The following TRIM7 variants were observed in gnomAD, a reference collection of about 807,000 sequenced individuals.
The protein encoded by TRIM7 is E3 ubiquitin-protein ligase TRIM7.
TRIM7 carries 32 observed loss-of-function variants against 37.9 expected under a neutral mutation model. That is an observed-to-expected ratio of 0.84 (90% CI 0.64 to 1.13). The LOEUF (loss-of-function observed/expected upper bound fraction) is 1.13, where lower values mean the gene tolerates loss of function less well. Ranked by LOEUF, TRIM7 falls within the 50% of genes most tolerant of loss-of-function variation. The pLI is 0.00. For synonymous variants in TRIM7, 351 were observed against 321.3 expected, an observed-to-expected ratio of 1.09 and a Z score of -0.99; for missense variants, 732 against 714.0, an observed-to-expected ratio of 1.03 and a Z score of -0.29.
Position 181,204,846 on chromosome 5 carries a change from G to T in TRIM7, c.265C>A (p.Gln89Lys). The T allele has an allele frequency of 7.4e-7, 1 of 1,350,468 alleles. No individual in the cohort carries two copies. Among genetic ancestry groups the T allele is most frequent in the South Asian group, 2.0e-5 (1 of 51,248 alleles). 83.7% of individuals were successfully genotyped at this position (1,350,468 alleles called of 1,614,324 possible). A position where few individuals can be genotyped will look rare whatever the true frequency, so the allele number is the denominator to read the frequency against. ...PQCREPARPSQLRPNRQLAAV... is the reference protein window; with the variant it reads ...PQCREPARPSKLRPNRQLAAV... ...GCCAGCTGCCGGTTGGGCCGCAGCT[G>T]ACTGGGGCGCGCGGGCTCGCGGCAC... Residue 89 changes from glutamine to lysine, a missense_variant, in exon 1 of 7, where the codon CAG becomes AAG. Gln to Lys is a moderately conservative substitution (Grantham distance 53). Transcript: ENST00000274773.
Position 181,198,686 on chromosome 5 carries a change from C to A in TRIM7, c.988+4G>T. ...GTGGCCCAGCTTGGCGCCCAGGCCC[C>A]TACCTTTGAACTTCTTCAGCATCCC... On this transcript the variant is annotated splice_donor_region_variant and intron_variant, in intron 5 of 6. Coordinates refer to ENST00000274773, the MANE Select transcript of TRIM7 (RefSeq NM_203293.3). The A allele has an allele frequency of 6.2e-7, 1 of 1,609,702 alleles. No individual in the cohort carries two copies. The highest frequency in any genetic ancestry group is 1.1e-5 in the South Asian group (1 of 90,902).
chr5:181,199,041 G>A, intron 4 of TRIM7, 54 bp downstream of exon 4: 1 of 1,609,540 alleles, frequency 6.2e-7, no homozygotes, highest in Non-Finnish European at 8.5e-7. Context: ...ACAAGGCTCA[G>A]TGAAAAGGGA....
At chr5:181,198,071 T>C in intron 6 of TRIM7, 112 bp downstream of exon 6, 2 of 1,122,244 alleles carry the variant, frequency 1.8e-6, no homozygotes, top group Non-Finnish European at 2.6e-6. Context: ...GTTGCTGAGG[T>C]GGGTGGGCTG....
In TRIM7 at chr5:181,200,009, C is replaced by T. The variant is rs1757376586; in HGVS notation, c.691G>A (p.Glu231Lys). ...QALRAFLVEQ[E>K]GRLLGRLEEL... Reference sequence around the variant, plus strand: ...TCCAGGCGGCCTAGCAGCCGACCCTCCTGCTCCACCAGGAAAGCCCTCAGT... The same window carrying T: ...TCCAGGCGGCCTAGCAGCCGACCCTTCTGCTCCACCAGGAAAGCCCTCAGT... Residue 231 changes from glutamate (E) to lysine (K), a missense_variant, in exon 3 of 7, where the codon GAG (glutamate) becomes AAG (lysine). Transcript: ENST00000274773. 1 of 1,614,274 alleles carries T rather than the reference C, an allele frequency of 6.2e-7. No individual in the cohort carries two copies. The highest frequency in any genetic ancestry group is 8.5e-7 in the Non-Finnish European group (1 of 1,180,052).
chr5:181,194,963 C>T lies in TRIM7; in HGVS notation c.*203G>A, dbSNP rs1240749204. On this transcript the variant is annotated 3_prime_UTR_variant, in exon 7 of 7. Coordinates refer to ENST00000274773, the MANE Select transcript of TRIM7 (RefSeq NM_203293.3). ...CACATGTGACCTCAGGAAGGGAACA[C>T]CCTCAGGAGTCCAAAGCCCCTGTTC... is the stretch of plus-strand genomic sequence containing the variant. The T allele has an allele frequency of 6.7e-6, 4 of 599,306 alleles. No homozygotes were observed. The East Asian group carries it at 1.2e-4, about 18-fold the overall frequency. 37.1% of individuals were successfully genotyped at this position (599,306 alleles called of 1,614,324 possible).
rs1486813808 is a variant in TRIM7 at position 181,199,864 on chromosome 5, A to G, written c.836T>C (p.Leu279Pro). The change falls in exon 3 of 7, where the codon CTT (leucine) becomes CCT (proline). Residue 279 changes from leucine to proline, a missense_variant. Leu to Pro is a moderately conservative substitution (Grantham distance 98, BLOSUM62 -3). Transcript: ENST00000274773. ...QIQETAQKPD[L>P]DFLQEFKSTL... The stretch of plus-strand genomic sequence containing the variant: ...AGCCAGACTTACCTGGAGAAAGTCA[A>G]GGTCAGGCTTTTGAGCTGTCTCCTG... 1.2e-6 allele frequency: 2 copies of G among 1,613,718 alleles called. No individual in the cohort carries two copies. Among genetic ancestry groups the G allele is most frequent in the South Asian group, 1.1e-5 (1 of 91,016 alleles).
chr5:181,201,102 G>A (rs1045437874), intron 2 of TRIM7: 5 of 180,250 alleles, frequency 2.8e-5, no homozygotes, highest in Non-Finnish European at 5.3e-5. Context: ...TAGCACAAGT[G>A]AAACAGTATT....
Position 181,204,975 on chromosome 5 carries a change from G to T in TRIM7, c.136C>A (p.His46Asn), listed in dbSNP as rs1246143199. ...CCTATGCAGGCGCGGCAGAAGCTGT[G>T]GCCGCACTCGACGGACACCGGCTCA... ...FREPVSVECG[H>N]SFCRACIGRC... Residue 46 changes from histidine to asparagine, a missense_variant, in exon 1 of 7, where the codon CAC (histidine) becomes AAC (asparagine). Transcript: ENST00000274773. 4 of 1,484,022 alleles carry T rather than the reference G, an allele frequency of 2.7e-6. No homozygotes were observed. Among genetic ancestry groups the T allele is most frequent in the Middle Eastern group, 3.6e-4 (2 of 5,542 alleles). 91.9% of individuals were successfully genotyped at this position (1,484,022 alleles called of 1,614,324 possible). A position where few individuals can be genotyped will look rare whatever the true frequency, so the allele number is the denominator to read the frequency against.
chr5:181,204,497 C>A, intron 1 of TRIM7, 92 bp downstream of exon 1: 1 of 1,250,664 alleles, frequency 8.0e-7, no homozygotes, highest in East Asian at 3.2e-5. Context: ...GCCTCCTGAT[C>A]GACAGGCTGT....
chr5:181,204,809 G>C lies in TRIM7; in HGVS notation c.302C>G (p.Thr101Arg), dbSNP rs1471468116. The C allele has an allele frequency of 7.9e-6, 11 of 1,398,444 alleles. No homozygotes were observed. The highest frequency in any genetic ancestry group is 8.3e-6 in the Non-Finnish European group (9 of 1,083,512). 86.6% of individuals were successfully genotyped at this position (1,398,444 alleles called of 1,614,324 possible). A position where few individuals can be genotyped will look rare whatever the true frequency, so the allele number is the denominator to read the frequency against. The change falls in exon 1 of 7, where the codon ACG (threonine) becomes AGG (arginine). Residue 101 changes from threonine to arginine, a missense_variant. Transcript: ENST00000274773. ...GGGCAGGCTGAAGCGCCGCAGGAGC[G>C]TGGCCACTGCCGCCAGCTGCCGGTT... ...RPNRQLAAVA[T>R]LLRRFSLPAA...
At chr5:181,203,144 A>G (rs922342986) in intron 2 of TRIM7, 1 of 525,126 alleles carries the variant, frequency 1.9e-6, no homozygotes, top group Non-Finnish European at 2.5e-6. Flanking sequence ...TTTGTTGACA[A>G]AACATGCCAT....
intron 1 of TRIM7, chr5:181,204,196 C>T (rs1757680764): frequency 9.8e-7 from 1 of 1,017,494 alleles, no homozygotes; most frequent in Non-Finnish European, 1.2e-6. Context: ...GAGCCCGCTT[C>T]GGGGAAAGAG....
intron 2 of TRIM7, chr5:181,202,636 G>T (rs187261551): frequency 6.6e-6 from 1 of 150,444 alleles, no homozygotes; most frequent in Non-Finnish European, 1.5e-5. Context: ...GCGCGATCTC[G>T]GCTCACTGCA....
At position 181,194,993 on chromosome 5, in the gene TRIM7, G is replaced by T; in HGVS notation, c.*173C>A. 1 of 737,880 alleles carries T rather than the reference G, an allele frequency of 1.4e-6. No individual in the cohort carries two copies. The highest frequency in any genetic ancestry group is 2.2e-6 in the Non-Finnish European group (1 of 463,798). 45.7% of individuals were successfully genotyped at this position (737,880 alleles called of 1,614,324 possible). A position where few individuals can be genotyped will look rare whatever the true frequency, so the allele number is the denominator to read the frequency against. On this transcript the variant is annotated 3_prime_UTR_variant, in exon 7 of 7. Transcript: ENST00000274773. The stretch of plus-strand genomic sequence containing the variant: ...AGGAGTCCAAAGCCCCTGTTCCCCT[G>T]CTCGGTTGGCCACAGTCACTCTCCT...
chr5:181,198,894 G>C (rs1468640775), intron 4 of TRIM7, 89 bp from the exon 5 acceptor site: 1 of 1,202,532 alleles, frequency 8.3e-7, no homozygotes, highest in Non-Finnish European at 1.2e-6. Flanking sequence ...CCTCTTGGCA[G>C]AAAGAGGTAG....
chr5:181,196,202 A>G (rs1257944099), intron 6 of TRIM7: 1 of 152,388 alleles, frequency 6.6e-6, no homozygotes, highest in African/African-American at 2.4e-5. Flanking sequence ...TAACATGGTG[A>G]AACCCCGTCT....
At chr5:181,200,998 T>TTA (rs2113079101) in intron 2 of TRIM7, 1 of 822,900 alleles carries the variant, frequency 1.2e-6, no homozygotes, top group East Asian at 1.2e-4. Flanking sequence ...GAGGGTGCAC[T>TTA]TCCCTTCAAG....
intron 1 of TRIM7, chr5:181,204,290 G>A: frequency 9.0e-7 from 1 of 1,115,270 alleles, no homozygotes; most frequent in South Asian, 4.3e-5. Flanking sequence ...CAGGCTAGAG[G>A]CTCCGAACAG....
Position 181,204,911 on chromosome 5 carries a change from GC to G in TRIM7, c.199del (p.Ala67ProfsTer115). ...TGGGAAGGGGGGCGCGCGGGTGGCG[GC>G]CCCAACAGACCCCGCGCCCGGGCGC... ...WERPGAGSVGAATRAPPFPLP... is the reference protein window; with the variant it reads ...WERPGAGSVGXATRAPPFPLP... On this transcript the variant is annotated frameshift_variant, in exon 1 of 7. Transcript: ENST00000274773. LOFTEE classifies it high-confidence loss of function. 1 of 1,382,700 alleles carries G rather than the reference GC, an allele frequency of 7.2e-7. No homozygotes were observed. Among genetic ancestry groups the G allele is most frequent in the Non-Finnish European group, 9.3e-7 (1 of 1,077,986 alleles). The allele number at this position is 1,382,700 out of a possible 1,614,324, so 85.7% of individuals were successfully genotyped here. A position where few individuals can be genotyped will look rare whatever the true frequency, so the allele number is the denominator to read the frequency against.
Sources: allele counts gnomAD v4.1 joint callset, GRCh38; gene constraint gnomAD v4.1.1; transcripts MANE v1.5; gene names NCBI Gene and HGNC (gene_info 2026-07-23, HGNC 2026-07-21).